The following TMEM266 variants were observed in gnomAD, a reference collection of about 807,000 sequenced individuals.
TMEM266 encodes transmembrane protein 266, also known as Hv1 related protein 1.
Under a neutral mutation model 50.5 loss-of-function variants are expected in TMEM266, and 33 were observed. That is an observed-to-expected ratio of 0.65 (90% CI 0.50 to 0.87). The LOEUF (loss-of-function observed/expected upper bound fraction) is 0.87, where lower values mean the gene tolerates loss of function less well. Among genes scored for constraint, TMEM266 ranks in the 40% least tolerant of loss-of-function variants. The pLI is 0.00. For missense variants in TMEM266, 655 were observed against 695.1 expected (o/e 0.94, Z 0.65); for synonymous variants, 310 against 292.3 (o/e 1.06, Z -0.62).
At chr15:76,158,958 G>GTC (rs2037970153) in intron 4 of TMEM266, among the ~76,000 whole-genome samples, 1 of 152,204 alleles carries the variant, frequency 6.6e-6, no homozygotes, top group Non-Finnish European at 1.5e-5. Context: ...GGGAGAGGTT[G>GTC]TGGGTTCCTC....
At chr15:76,102,855 A>AC (rs1567151422) in intron 1 of TMEM266, among the ~76,000 whole-genome samples, 1 of 151,718 alleles carries the variant, frequency 6.6e-6, no homozygotes, top group Admixed American at 6.6e-5. Context: ...AAAAAAAAAA[A>AC]AAAAACGGAG....
chr15:76,181,112 G>A (rs1596158812), intron 8 of TMEM266: 1 of 152,204 alleles, frequency 6.6e-6, no homozygotes, highest in Non-Finnish European at 1.5e-5. Context: ...AAGGTCCCTG[G>A]GGAGGGCAGC....
intron 1 of TMEM266, among the ~76,000 whole-genome samples, chr15:76,128,382 G>A (rs1016315354): frequency 6.6e-6 from 1 of 152,196 alleles, no homozygotes; most frequent in African/African-American, 2.4e-5. Flanking sequence ...GAACTTGGCA[G>A]ATCTCGCTGG....
At position 76,160,152 on chromosome 15, in the gene TMEM266, C is replaced by T. The variant is rs765514600; in HGVS notation, c.440C>T (p.Ser147Phe). ...CACTGGATCAGCCTGGTCATTCTGTCCGTGTTCTTCTCAGAGGTAGGTGGA... is the reference window on the plus strand; with the variant it reads ...CACTGGATCAGCCTGGTCATTCTGTTCGTGTTCTTCTCAGAGGTAGGTGGA... Residue 147 changes from serine to phenylalanine, a missense_variant, in exon 5 of 11, where the codon TCC (serine) becomes TTC (phenylalanine). This residue lies in a region of TMEM266 where 101 missense variants were observed against 182.6 expected (regional missense o/e 0.55). Coordinates refer to ENST00000388942, the MANE Select transcript of TMEM266 (RefSeq NM_152335.3). The surrounding 1 kb of genome is among the most constrained non-coding windows in gnomAD (Gnocchi z 5.7). The T allele has an allele frequency of 6.2e-7, 1 of 1,614,094 alleles. No homozygotes were observed. The highest frequency in any genetic ancestry group is 1.1e-5 in the South Asian group (1 of 91,084).
At chr15:76,126,503 C>A (rs2037425454) in intron 1 of TMEM266, among the ~76,000 whole-genome samples, 1 of 151,176 alleles carries the variant, frequency 6.6e-6, no homozygotes, top group South Asian at 2.1e-4. Flanking sequence ...CACAGAAAGA[C>A]AAATACTGCA....
chr15:76,166,596 C>T (rs1286953172), intron 5 of TMEM266, among the ~76,000 whole-genome samples: 1 of 152,240 alleles, frequency 6.6e-6, no homozygotes, highest in African/African-American at 2.4e-5. Flanking sequence ...GGTGCGCTGT[C>T]TGCTGCCTCC....
intron 8 of TMEM266, among the ~76,000 whole-genome samples, chr15:76,179,629 CA>C (rs2038364548): frequency 6.6e-6 from 1 of 152,200 alleles, no homozygotes; most frequent in Non-Finnish European, 1.5e-5. Context: ...GTCTCAATGG[CA>C]GCCCCCAACC....
chr15:76,117,587 A>G lies in TMEM266; in HGVS notation c.-96-16581A>G, dbSNP rs542506419. 2.2e-4 allele frequency among the ~76,000 whole-genome samples: 34 copies of G among 152,256 alleles called. No homozygotes were observed. The South Asian group carries it at 6.6e-3, about 30-fold the overall frequency. ...TATTATGTTTCCTGACCCTGAACGCAAGCCGTGATGAGAATATATCTGCCG... is the reference window on the plus strand; with the variant it reads ...TATTATGTTTCCTGACCCTGAACGCGAGCCGTGATGAGAATATATCTGCCG... On this transcript the variant is annotated intron_variant, in intron 1 of 10. Coordinates refer to ENST00000388942, the MANE Select transcript of TMEM266 (RefSeq NM_152335.3).
chr15:76,158,409 C>A (rs140868808), intron 4 of TMEM266, among the ~76,000 whole-genome samples: 1 of 152,322 alleles, frequency 6.6e-6, no homozygotes, highest in African/African-American at 2.4e-5. Flanking sequence ...CTCACCCATA[C>A]TGTCTGCTTT....
rs2038263956 is a variant in TMEM266, at chr15:76,175,672, G to C, written c.766G>C (p.Gly256Arg). 6.2e-7 allele frequency: 1 copy of C among 1,613,474 alleles called. No individual in the cohort carries two copies. The highest frequency in any genetic ancestry group is 1.1e-5 in the South Asian group (1 of 91,018). The change falls in exon 8 of 11, where the codon GGG (glycine) becomes CGG (arginine). Residue 256 changes from glycine (G) to arginine (R), a missense_variant and splice_region_variant. By Grantham distance (125) the Gly-to-Arg change is moderately radical. Around this residue, in one of 3 missense-constraint regions of TMEM266, gnomAD observed 455 missense variants for 401.8 expected, o/e 1.13. Coordinates refer to ENST00000388942, the MANE Select transcript of TMEM266 (RefSeq NM_152335.3). The stretch of plus-strand genomic sequence containing the variant: ...GCTGACGCAGATCTGTCAGGAGCAA[G>C]GGGTAATGCACTGCCACTTTCGGCT...
At chr15:76,117,909 C>T (rs1018126642) in intron 1 of TMEM266, among the ~76,000 whole-genome samples, 2 of 152,232 alleles carry the variant, frequency 1.3e-5, no homozygotes, top group African/African-American at 4.8e-5. Context: ...AACACAGGTT[C>T]CTGATCTCCT....
At chr15:76,104,233 C>T (rs541304189) in intron 1 of TMEM266, among the ~76,000 whole-genome samples, 4 of 151,248 alleles carry the variant, frequency 2.6e-5, no homozygotes, top group Non-Finnish European at 5.9e-5. Flanking sequence ...ATTTGGGAGT[C>T]ATCGGCAAAT....
chr15:76,204,224 T>C lies in TMEM266; in HGVS notation c.1505T>C (p.Ile502Thr), dbSNP rs765700338. 2 of 1,613,990 alleles carry C rather than the reference T, an allele frequency of 1.2e-6. No individual in the cohort carries two copies. The highest frequency in any genetic ancestry group is 1.1e-5 in the South Asian group (1 of 91,086). The stretch of plus-strand genomic sequence containing the variant: ...ACTGTCTTTCAGATCAGGCCTGTCA[T>C]CCACTTCCAGCCCACTGTGCCCATG... The change falls in exon 11 of 11, where the codon ATC becomes ACC. Residue 502 changes from isoleucine (I) to threonine (T), a missense_variant. Ile to Thr is a moderately conservative substitution (Grantham distance 89). Transcript: ENST00000388942.
At chr15:76,188,085 C>T (rs1018907319) in intron 8 of TMEM266, among the ~76,000 whole-genome samples, 1 of 151,976 alleles carries the variant, frequency 6.6e-6, no homozygotes, top group South Asian at 2.1e-4. Flanking sequence ...TGCCTTCCCC[C>T]CCCACCCCGC....
At chr15:76,125,790 G>A (rs1227563226) in intron 1 of TMEM266, among the ~76,000 whole-genome samples, 1 of 151,000 alleles carries the variant, frequency 6.6e-6, no homozygotes, top group Non-Finnish European at 1.5e-5. Flanking sequence ...AGAGGCTGCA[G>A]TGAGCTGAGA....
rs2038064616 is a variant in TMEM266 at position 76,164,557 on chromosome 15, CCA to C, written c.456+4394_456+4395del. ...GTGAGACTGGTGACAGTGTCAGCTA[CCA>C]CACAGATCTTCACATTTCTTACTTT... On this transcript the variant is annotated intron_variant, in intron 5 of 10. Transcript: ENST00000388942. Among the ~76,000 whole-genome samples, 5 of 152,130 alleles carry C rather than the reference CCA, an allele frequency of 3.3e-5. No individual in the cohort carries two copies. The South Asian group carries it at 8.3e-4, about 25-fold the overall frequency.
rs899959374 is a variant in TMEM266 at position 76,067,299 on chromosome 15, C to T, written c.-97+7283C>T. On this transcript the variant is annotated intron_variant, in intron 1 of 10. Transcript: ENST00000388942. Reference sequence around the variant, plus strand: ...TACAGAAATGCAGACCATCTTCTTACTCCTGAAGGCCTCGGGTCTAGATGC... The same window carrying T: ...TACAGAAATGCAGACCATCTTCTTATTCCTGAAGGCCTCGGGTCTAGATGC... 3.9e-5 allele frequency among the ~76,000 whole-genome samples: 6 copies of T among 152,266 alleles called. No individual in the cohort carries two copies. The East Asian group carries it at 9.6e-4, about 24-fold the overall frequency.
In TMEM266 at chr15:76,137,845, G is replaced by A. The variant is rs777571379; in HGVS notation, c.177G>A (p.Thr59=). 3.4e-5 allele frequency: 54 copies of A among 1,607,786 alleles called. 1 individual carries two copies. The Middle Eastern group carries it at 3.3e-3, about 99-fold the overall frequency. Residue 59 remains threonine, a synonymous_variant, in exon 3 of 11, where the codon ACG becomes ACA. Coordinates refer to ENST00000388942, the MANE Select transcript of TMEM266 (RefSeq NM_152335.3). The stretch of plus-strand genomic sequence containing the variant: ...CCCTGGCTGCTGTCGATCTCTCCAC[G>A]GCGGGCTCGCAGCTCCTGTCAAATC...
At chr15:76,172,656 G>A (rs2038204413) in intron 7 of TMEM266, among the ~76,000 whole-genome samples, 1 of 152,182 alleles carries the variant, frequency 6.6e-6, no homozygotes, top group Non-Finnish European at 1.5e-5. Flanking sequence ...GGAAGGCTGG[G>A]AAGGCTCTGG....
Sources: allele counts gnomAD v4.1 joint callset (sites outside exome capture counted in the v4.1 genomes callset), GRCh38; gene constraint gnomAD v4.1.1; regional missense constraint gnomAD v4.1.1; non-coding constraint Gnocchi (gnomAD v3.1); transcripts MANE v1.5; gene names NCBI Gene and HGNC (gene_info 2026-07-23, HGNC 2026-07-21).